The following RASGRF2 variants were observed in gnomAD, a reference collection of about 807,000 sequenced individuals.
RASGRF2 encodes the protein Ras protein specific guanine nucleotide releasing factor 2, also known as ras-specific guanine nucleotide-releasing factor 2.
Under a neutral mutation model 151.0 loss-of-function variants are expected in RASGRF2, and 76 were observed. The observed-to-expected ratio is 0.50, with a 90% CI of 0.42 to 0.61. The LOEUF is 0.61. Among genes scored for constraint, RASGRF2 ranks in the 20% least tolerant of loss-of-function variants. The pLI is 0.00. For missense variants in RASGRF2, 1,148 were observed against 1,564.6 expected, an observed-to-expected ratio of 0.73 and a Z score of 4.49; for synonymous variants, 504 against 566.5, an observed-to-expected ratio of 0.89 and a Z score of 1.57.
chr5:81,046,223 T>A (rs78821804), intron 2 of RASGRF2, among the ~76,000 whole-genome samples: 1 of 152,180 alleles, frequency 6.6e-6, no homozygotes. Flanking sequence ...GGCTTTTCAG[T>A]ACCAGCCTGG....
intron 10 of RASGRF2, 57 bp from the exon 11 acceptor site, chr5:81,094,239 G>A (rs1202505465): frequency 1.4e-6 from 2 of 1,393,784 alleles, no homozygotes; most frequent in South Asian, 2.4e-5. Context: ...ACAAATCAGA[G>A]CTTCCCAATC....
chr5:81,125,977 T>G (rs1219600427), intron 16 of RASGRF2, among the ~76,000 whole-genome samples: 1 of 152,254 alleles, frequency 6.6e-6, no homozygotes, highest in Non-Finnish European at 1.5e-5. Context: ...ATAAGTCTGT[T>G]GTGGAAAGAG....
At chr5:81,158,138 C>T (rs1307781917) in intron 17 of RASGRF2, among the ~76,000 whole-genome samples, 1 of 152,140 alleles carries the variant, frequency 6.6e-6, no homozygotes, top group Non-Finnish European at 1.5e-5. Context: ...TATAAGACTA[C>T]AGTTAGCAAG....
At chr5:81,106,677 C>T (rs1752855892) in intron 12 of RASGRF2, among the ~76,000 whole-genome samples, 1 of 152,156 alleles carries the variant, frequency 6.6e-6, no homozygotes, top group Non-Finnish European at 1.5e-5. Context: ...CCTGACAGAA[C>T]TTTCCCATAG....
chr5:81,173,153 G>T (rs943742935), intron 17 of RASGRF2, among the ~76,000 whole-genome samples: 3 of 152,084 alleles, frequency 2.0e-5, no homozygotes, highest in Admixed American at 6.5e-5. Flanking sequence ...AAGGCAGGTG[G>T]ATCACCTGAG....
chr5:81,008,325 A>AT (rs1462038049), intron 1 of RASGRF2, among the ~76,000 whole-genome samples: 1 of 151,082 alleles, frequency 6.6e-6, no homozygotes, highest in Non-Finnish European at 1.5e-5. Flanking sequence ...TAATTTTTGT[A>AT]TTTTTAATAG....
At chr5:81,215,718 T>A (rs1444033003) in intron 23 of RASGRF2, among the ~76,000 whole-genome samples, 158 bp from the exon 24 acceptor site, 1 of 152,252 alleles carries the variant, frequency 6.6e-6, no homozygotes, top group Non-Finnish European at 1.5e-5. Flanking sequence ...CATAATGCCC[T>A]GTCTCTACAT....
At position 80,988,710 on chromosome 5, in the gene RASGRF2, T is replaced by C. The variant is rs985197603; in HGVS notation, c.288+27684T>C. 2.8e-4 allele frequency among the ~76,000 whole-genome samples: 43 copies of C among 152,196 alleles called. 1 individual carries two copies. Among genetic ancestry groups the C allele is most frequent in the Admixed American group, 2.8e-3 (43 of 15,274 alleles). ...CCTCATAGAGTTGAGTCAGGGATAA[T>C]GTAAGAAGGCATTTGTAAATATGGC... On this transcript the variant is annotated intron_variant, in intron 1 of 26. Transcript: ENST00000265080.
At chr5:81,096,671 G>T (rs1752556485) in intron 12 of RASGRF2, among the ~76,000 whole-genome samples, 1 of 152,116 alleles carries the variant, frequency 6.6e-6, no homozygotes, top group Admixed American at 6.6e-5. Context: ...CATGACTGGG[G>T]AGACATTGTT....
chr5:80,991,982 TG>T, intron 1 of RASGRF2, among the ~76,000 whole-genome samples: 1 of 152,238 alleles, frequency 6.6e-6, no homozygotes, highest in Non-Finnish European at 1.5e-5. Context: ...TGAGATGTCC[TG>T]GGAAGAAATT....
intron 1 of RASGRF2, among the ~76,000 whole-genome samples, chr5:81,020,187 A>G (rs1207096669): frequency 2.0e-5 from 3 of 152,314 alleles, no homozygotes; most frequent in East Asian, 3.9e-4. Context: ...GTTTTTGTAG[A>G]TAAGAGGAAG....
rs142042870 is a variant in RASGRF2 at position 80,971,731 on chromosome 5, A to G, written c.288+10705A>G. Among the ~76,000 whole-genome samples, 1,026 of 151,162 alleles carry G rather than the reference A, an allele frequency of 6.8e-3. 17 individuals are homozygous for G. Among genetic ancestry groups the G allele is most frequent in the African/African-American group, 0.024 (973 of 41,206 alleles). ...TAGGCATGCACCACCATGCCTGGCT[A>G]ATTTTTTTTTTGTATTTTTTTAGAG... On this transcript the variant is annotated intron_variant, in intron 1 of 26. Coordinates refer to ENST00000265080, the MANE Select transcript of RASGRF2 (RefSeq NM_006909.3).
intron 1 of RASGRF2, among the ~76,000 whole-genome samples, chr5:80,996,505 C>CTTCTTCTTCCTCTTCTTCTTCTTCT (rs56082157): frequency 6.3e-5 from 3 of 47,778 alleles, no homozygotes; most frequent in African/African-American, 2.9e-4. Context: ...CTTCTTCTTC[C>CTTCTTCTTCCTCTTCTTCTTCTTCT]TCCTCCTCCT....
intron 8 of RASGRF2, 50 bp from the exon 9 acceptor site, chr5:81,086,785 G>A (rs1309285335): frequency 2.8e-6 from 4 of 1,451,458 alleles, no homozygotes; most frequent in African/African-American, 2.8e-5. Context: ...CTACATGCTA[G>A]GGCAAGAGAA....
At chr5:81,107,150 A>T (rs1752868275) in intron 12 of RASGRF2, among the ~76,000 whole-genome samples, 1 of 148,034 alleles carries the variant, frequency 6.8e-6, no homozygotes, top group African/African-American at 2.5e-5. Context: ...GCTTGAGCCC[A>T]GGAGTTCAAG....
intron 17 of RASGRF2, among the ~76,000 whole-genome samples, chr5:81,142,541 A>G (rs1753909239): frequency 1.3e-5 from 2 of 152,242 alleles, no homozygotes; most frequent in Middle Eastern, 3.4e-3. Flanking sequence ...GGCCCTCACC[A>G]TCTTTTCATT....
intron 2 of RASGRF2, among the ~76,000 whole-genome samples, chr5:81,048,487 A>T (rs905300911): frequency 3.3e-5 from 5 of 152,114 alleles, no homozygotes; most frequent in African/African-American, 1.2e-4. Flanking sequence ...GTCGGGCTTG[A>T]ATTTTCTTAT....
chr5:80,995,687 C>T lies in RASGRF2; in HGVS notation c.288+34661C>T, dbSNP rs1467495664. On this transcript the variant is annotated intron_variant, in intron 1 of 26. Transcript: ENST00000265080. ...ATCATTGTTTCTTTCCTTTCCTTCC[C>T]CCCCCCTTTTTTTTTTTTTTTTTGA... 3.2e-5 allele frequency among the ~76,000 whole-genome samples: 4 copies of T among 123,720 alleles called. 1 individual carries two copies. Among genetic ancestry groups the T allele is most frequent in the Non-Finnish European group, 5.0e-5 (3 of 59,582 alleles). 81.2% of individuals were successfully genotyped at this position (123,720 alleles called of 152,430 possible). A position where few individuals can be genotyped will look rare whatever the true frequency, so the allele number is the denominator to read the frequency against.
At chr5:81,028,399 G>GTCTT (rs1750115242) in intron 1 of RASGRF2, among the ~76,000 whole-genome samples, 1 of 151,272 alleles carries the variant, frequency 6.6e-6, no homozygotes, top group Non-Finnish European at 1.5e-5. Flanking sequence ...TATTTCTGAT[G>GTCTT]TCTTTCTGGT....
Sources: allele counts gnomAD v4.1 joint callset (sites outside exome capture counted in the v4.1 genomes callset), GRCh38; gene constraint gnomAD v4.1.1; transcripts MANE v1.5; gene names NCBI Gene and HGNC (gene_info 2026-07-23, HGNC 2026-07-21).